Variants in RNF38 observed in about 807,000 individuals in gnomAD.
The protein encoded by RNF38 is ring finger protein 38, also known as E3 ubiquitin-protein ligase RNF38.
In RNF38, 15 loss-of-function variants were observed where a neutral mutation model predicts 67.2. That is an observed-to-expected ratio of 0.22 (90% CI 0.15 to 0.34). RNF38 has a LOEUF of 0.34. Among genes scored for constraint, RNF38 ranks in the 10% least tolerant of loss-of-function variants. RNF38 has a pLI of 1.00. For missense variants in RNF38, 524 were observed against 639.9 expected (o/e 0.82, Z 1.95); for synonymous variants, 220 against 218.8 (o/e 1.01, Z -0.05).
intron 1 of RNF38, among the ~76,000 whole-genome samples, chr9:36,443,039 G>A (rs1318413800): frequency 6.6e-6 from 1 of 152,202 alleles, no homozygotes; most frequent in East Asian, 1.9e-4. Flanking sequence ...TGTGAACCTA[G>A]AAGAAAAGAG....
chr9:36,382,929 AG>A (rs761647984), intron 2 of RNF38, among the ~76,000 whole-genome samples: 7 of 152,266 alleles, frequency 4.6e-5, no homozygotes, highest in Non-Finnish European at 1.0e-4. Flanking sequence ...CAAAGGGCCC[AG>A]GAAGAGCAAA....
Position 36,453,166 on chromosome 9 carries a change from C to T in RNF38, n.242-28483G>A, listed in dbSNP as rs529381647. 5.3e-5 allele frequency among the ~76,000 whole-genome samples: 8 copies of T among 152,218 alleles called. No homozygotes were observed. In the South Asian group the frequency reaches 1.4e-3, roughly 28 times the overall value. On this transcript the variant is annotated intron_variant and non_coding_transcript_variant, in intron 1 of 3. Coordinates refer to the RNF38 transcript ENST00000488058. ...CACATCCTTGACAACGTGTTGTTGT[C>T]TGTCTTCTATTATTATAGCCATCTT...
At chr9:36,447,840 A>G (rs1180068114) in intron 1 of RNF38, among the ~76,000 whole-genome samples, 2 of 152,234 alleles carry the variant, frequency 1.3e-5, no homozygotes, top group Non-Finnish European at 2.9e-5. Context: ...AACTGTATTA[A>G]TAGGACTAAA....
upstream of RNF38, chr9:36,400,525 C>G (rs1837934568): frequency 1.0e-6 from 1 of 993,140 alleles, no homozygotes; most frequent in African/African-American, 1.7e-5. Context: ...CGCCCTCGCG[C>G]TGCAGCCAAC....
At chr9:36,422,949 C>A (rs1163323836) in intron 2 of RNF38, among the ~76,000 whole-genome samples, 2 of 152,156 alleles carry the variant, frequency 1.3e-5, no homozygotes, top group Admixed American at 1.3e-4. Context: ...ACCCGGAGGG[C>A]AGTCTGGCTT....
intron 1 of RNF38, among the ~76,000 whole-genome samples, chr9:36,397,087 A>G (rs1564040553): frequency 2.1e-5 from 3 of 145,642 alleles, no homozygotes; most frequent in African/African-American, 7.8e-5. Flanking sequence ...GTGTGTATAT[A>G]TATATATATA....
Position 36,442,498 on chromosome 9 carries a change from C to A in RNF38, n.242-17815G>T, listed in dbSNP as rs191614894. Among the ~76,000 whole-genome samples the A allele has an allele frequency of 2.1e-3, 315 of 152,228 alleles. 1 individual carries two copies. The highest frequency in any genetic ancestry group is 0.019 in the Admixed American group (288 of 15,268). On this transcript the variant is annotated intron_variant and non_coding_transcript_variant, in intron 1 of 3. Transcript: ENST00000488058. ...AAAAATACATTAAAAATTAAAGACA[C>A]CTGCCAGGCGCAGTGGCTCACGCCT...
intron 4 of RNF38, among the ~76,000 whole-genome samples, chr9:36,364,889 T>A (rs900007673): frequency 6.6e-6 from 1 of 152,338 alleles, no homozygotes; most frequent in East Asian, 1.9e-4. Context: ...CAGCTAATAC[T>A]CTTGAGAAAT....
At chr9:36,459,970 T>A (rs1046516944) in intron 1 of RNF38, among the ~76,000 whole-genome samples, 2 of 151,682 alleles carry the variant, frequency 1.3e-5, no homozygotes, top group African/African-American at 4.8e-5. Context: ...TAAGAGAAAA[T>A]TTTTTAACTT....
chr9:36,419,475 T>A (rs1838562250), intron 2 of RNF38, among the ~76,000 whole-genome samples: 1 of 152,204 alleles, frequency 6.6e-6, no homozygotes, highest in African/African-American at 2.4e-5. Context: ...TGGCAATGTA[T>A]CAAGAACTCT....
At chr9:36,438,076 G>A (rs1207549184) in intron 1 of RNF38, among the ~76,000 whole-genome samples, 1 of 152,006 alleles carries the variant, frequency 6.6e-6, no homozygotes, top group Non-Finnish European at 1.5e-5. Flanking sequence ...CGAGTAGCTG[G>A]GACTACAAGT....
chr9:36,434,061 C>G (rs190857095), intron 1 of RNF38, among the ~76,000 whole-genome samples: 95 of 151,642 alleles, frequency 6.3e-4, no homozygotes, highest in Non-Finnish European at 1.0e-3. Flanking sequence ...CATGGTGAAA[C>G]CCCATCTCTA....
chr9:36,339,862 A>C, intron 11 of RNF38, 48 bp from the exon 12 acceptor site: 2 of 1,411,918 alleles, frequency 1.4e-6, no homozygotes, highest in Non-Finnish European at 2.0e-6. Flanking sequence ...ACATACAATG[A>C]AACACATTCA....
At chr9:36,365,501 G>GA (rs1438503656) in intron 4 of RNF38, among the ~76,000 whole-genome samples, 1 of 152,038 alleles carries the variant, frequency 6.6e-6, no homozygotes, top group Non-Finnish European at 1.5e-5. Flanking sequence ...TGGAAAGGTG[G>GA]AAGCTGCAGT....
At chr9:36,359,870 C>T (rs1029365500) in intron 4 of RNF38, among the ~76,000 whole-genome samples, 2 of 151,878 alleles carry the variant, frequency 1.3e-5, no homozygotes, top group Admixed American at 6.6e-5. Flanking sequence ...CTTAGCCCCG[C>T]CCCGAGTAGC....
At position 36,338,757 on chromosome 9, in the gene RNF38, C is replaced by T. The variant is rs1192016437; in HGVS notation, c.*995G>A. On this transcript the variant is annotated 3_prime_UTR_variant, in exon 12 of 12. Transcript: ENST00000259605. ...GAATAGACTAGACTACAAATCTAAA[C>T]ATTAAAAAAAATCACAGGTACTTTC... 2.1e-5 allele frequency: 3 copies of T among 144,086 alleles called. No homozygotes were observed. The highest frequency in any genetic ancestry group is 7.3e-5 in the African/African-American group (3 of 40,894). The allele number at this position is 144,086 out of a possible 1,614,324, so 8.9% of individuals were successfully genotyped here.
chr9:36,478,680 G>A (rs911289010), intron 1 of RNF38, among the ~76,000 whole-genome samples: 1 of 151,656 alleles, frequency 6.6e-6, no homozygotes, highest in African/African-American at 2.4e-5. Flanking sequence ...AGCCAGGCGT[G>A]GTGGCTCATG....
intron 1 of RNF38, among the ~76,000 whole-genome samples, chr9:36,441,679 A>C (rs906704317): frequency 9.9e-5 from 15 of 151,978 alleles, no homozygotes; most frequent in African/African-American, 3.4e-4. Flanking sequence ...ATTTCACCAA[A>C]CACCACAAAG....
intron 1 of RNF38, among the ~76,000 whole-genome samples, chr9:36,394,019 G>A (rs1837339792): frequency 6.6e-6 from 1 of 152,330 alleles, no homozygotes; most frequent in South Asian, 2.1e-4. Flanking sequence ...GCTCACGCCT[G>A]TAATCCCAGC....
Sources: gnomAD v4.1 joint callset for allele counts (sites outside exome capture counted in the v4.1 genomes callset) on GRCh38, gnomAD v4.1.1 for gene constraint, MANE v1.5 for transcripts, NCBI Gene and HGNC (gene_info 2026-07-23, HGNC 2026-07-21) for gene names.